The following SRPK2 variants were observed in gnomAD, a reference collection of about 807,000 sequenced individuals.
SRPK2 encodes the protein SFRS protein kinase 2.
Under a neutral mutation model 90.8 loss-of-function variants are expected in SRPK2, and 21 were observed. The ratio of observed to expected loss-of-function variants is 0.23; its 90% confidence interval spans 0.16 to 0.33. The LOEUF (loss-of-function observed/expected upper bound fraction) is 0.33, where lower values mean the gene tolerates loss of function less well. Among genes scored for constraint, SRPK2 ranks in the 10% least tolerant of loss-of-function variants. The pLI, the probability that SRPK2 is intolerant of heterozygous loss-of-function variation, is 1.00. For synonymous variants in SRPK2, 288 were observed against 311.1 expected (o/e 0.93, Z 0.78); for missense variants, 620 against 869.0 (o/e 0.71, Z 3.60).
rs146307731 is a variant in SRPK2 at position 105,388,674 on chromosome 7, C to T, written c.45G>A (p.Arg15=). The change falls in exon 2 of 16, where the codon AGG becomes AGA. Residue 15 remains arginine (R), a synonymous_variant. Transcript: ENST00000393651. ...TTTTCGGATGTTTCTCTCTTTTCGG[C>T]CTCCGCTTTCGGGCCTGAATGGCCA... ...KVLAIQARKR[R]PKREKHPKKP... is the part of the protein sequence containing the mutation. 3.8e-4 allele frequency: 605 copies of T among 1,588,996 alleles called. 1 individual carries two copies. The highest frequency in any genetic ancestry group is 4.9e-4 in the Non-Finnish European group (576 of 1,167,376).
intron 2 of SRPK2, chr7:105,297,455 T>C (rs1694885170): frequency 3.0e-6 from 3 of 985,252 alleles, no homozygotes; most frequent in Non-Finnish European, 3.6e-6. Flanking sequence ...CAAAACACAT[T>C]GGCTTTCCCT....
chr7:105,206,872 G>T (rs1796292415), intron 2 of SRPK2, among the ~76,000 whole-genome samples: 1 of 152,208 alleles, frequency 6.6e-6, no homozygotes, highest in Non-Finnish European at 1.5e-5. Context: ...CCTGTACTGA[G>T]GGGCATTTCA....
chr7:105,273,840 C>T (rs1327578160), intron 2 of SRPK2, among the ~76,000 whole-genome samples: 1 of 152,172 alleles, frequency 6.6e-6, no homozygotes, highest in Non-Finnish European at 1.5e-5. Flanking sequence ...CTGTTACAGT[C>T]AATCTAATGT....
At chr7:105,371,916 C>T (rs1321715548) in intron 2 of SRPK2, among the ~76,000 whole-genome samples, 3 of 152,000 alleles carry the variant, frequency 2.0e-5, no homozygotes, top group Non-Finnish European at 4.4e-5. Context: ...AGGCAGATCA[C>T]GAGGTCAGGA....
At chr7:105,331,236 G>C (rs897786562) in intron 2 of SRPK2, among the ~76,000 whole-genome samples, 1 of 141,710 alleles carries the variant, frequency 7.1e-6, no homozygotes, top group African/African-American at 2.6e-5. Flanking sequence ...TTGAACCTCG[G>C]AGGCAGAGGT....
At chr7:105,208,625 T>G (rs1796488245) in intron 2 of SRPK2, among the ~76,000 whole-genome samples, 1 of 152,086 alleles carries the variant, frequency 6.6e-6, no homozygotes, top group Non-Finnish European at 1.5e-5. Flanking sequence ...GATGCTCATA[T>G]CGGGGGTTGG....
intron 3 of SRPK2, among the ~76,000 whole-genome samples, chr7:105,170,923 AAAAAG>A (rs779273432): frequency 1.2e-4 from 12 of 101,412 alleles, no homozygotes; most frequent in African/African-American, 2.6e-4. Context: ...AAGGAGAAAG[AAAAAG>A]AAAAAGGAAA....
chr7:105,330,853 C>G (rs946364838), intron 2 of SRPK2, among the ~76,000 whole-genome samples: 1 of 151,998 alleles, frequency 6.6e-6, no homozygotes, highest in Non-Finnish European at 1.5e-5. Context: ...AATTAGCCAG[C>G]ATGGCTGTGT....
intron 2 of SRPK2, among the ~76,000 whole-genome samples, chr7:105,333,125 C>T (rs1460038461): frequency 1.3e-5 from 2 of 151,736 alleles, no homozygotes; most frequent in Non-Finnish European, 2.9e-5. Flanking sequence ...ACCCGGGTGG[C>T]GGAGGTTGCA....
At chr7:105,179,946 G>C in intron 3 of SRPK2, among the ~76,000 whole-genome samples, 1 of 151,728 alleles carries the variant, frequency 6.6e-6, no homozygotes. Context: ...TGATACAAAT[G>C]GAAAAACAGT....
chr7:105,275,132 C>T (rs922713325), intron 2 of SRPK2, among the ~76,000 whole-genome samples: 5 of 152,142 alleles, frequency 3.3e-5, no homozygotes, highest in African/African-American at 7.2e-5. Flanking sequence ...GTGATCCACC[C>T]GCCTCAGCCT....
At chr7:105,231,320 C>T (rs1332732926) in intron 2 of SRPK2, among the ~76,000 whole-genome samples, 1 of 152,144 alleles carries the variant, frequency 6.6e-6, no homozygotes, top group Non-Finnish European at 1.5e-5. Context: ...GGTCACTGAT[C>T]GGCATTTACA....
intron 2 of SRPK2, among the ~76,000 whole-genome samples, chr7:105,311,391 C>A (rs1395079308): frequency 6.6e-6 from 1 of 152,114 alleles, no homozygotes; most frequent in Non-Finnish European, 1.5e-5. Flanking sequence ...TGCCACCACG[C>A]CTAGCTAACT....
At chr7:105,259,513 C>T (rs1803877622) in intron 2 of SRPK2, among the ~76,000 whole-genome samples, 1 of 152,150 alleles carries the variant, frequency 6.6e-6, no homozygotes, top group Admixed American at 6.5e-5. Context: ...TGACTTTCTT[C>T]ACAGTATTGG....
intron 2 of SRPK2, among the ~76,000 whole-genome samples, chr7:105,374,761 C>T (rs530741839): frequency 6.6e-6 from 1 of 152,082 alleles, no homozygotes; most frequent in Non-Finnish European, 1.5e-5. Context: ...AGGCGCCCGC[C>T]ACCACGCCCA....
At chr7:105,190,147 G>A (rs1001476651) in intron 3 of SRPK2, among the ~76,000 whole-genome samples, 15 of 152,216 alleles carry the variant, frequency 9.9e-5, no homozygotes, top group African/African-American at 3.6e-4. Flanking sequence ...TCTGGATCCT[G>A]CGCTCCCTCT....
chr7:105,301,757 T>A (rs1810581664), intron 2 of SRPK2: 1 of 1,598,102 alleles, frequency 6.3e-7, no homozygotes, highest in Non-Finnish European at 8.6e-7. Context: ...TAAAGCAGAG[T>A]ATATTAGCCA....
intron 2 of SRPK2, among the ~76,000 whole-genome samples, chr7:105,226,289 G>T (rs1798700683): frequency 6.6e-6 from 1 of 151,680 alleles, no homozygotes; most frequent in Middle Eastern, 3.4e-3. Context: ...GCTCAAGAAA[G>T]AAATAATTTT....
chr7:105,383,124 G>A (rs1821150661), intron 2 of SRPK2, among the ~76,000 whole-genome samples: 3 of 132,784 alleles, frequency 2.3e-5, no homozygotes. Flanking sequence ...GAGTGCAGTG[G>A]CACAATCTCG....
Sources: allele counts gnomAD v4.1 joint callset (sites outside exome capture counted in the v4.1 genomes callset), GRCh38; gene constraint gnomAD v4.1.1; transcripts MANE v1.5; gene names NCBI Gene and HGNC (gene_info 2026-07-23, HGNC 2026-07-21).